CES1: variants seen among roughly 807,000 people sequenced by gnomAD.
CES1 encodes carboxylesterase 1.
In CES1, 50 loss-of-function variants were observed where a neutral mutation model predicts 53.0. That is an observed-to-expected ratio of 0.94 (90% confidence interval 0.75 to 1.19). The LOEUF (loss-of-function observed/expected upper bound fraction) is 1.19, where lower values mean the gene tolerates loss of function less well. Among genes scored for constraint, CES1 ranks in the 50% most tolerant of loss-of-function variants. CES1 has a pLI of 0.00. For synonymous variants in CES1, 202 were observed against 210.1 expected (o/e 0.96, Z 0.33); for missense variants, 534 against 538.0 (o/e 0.99, Z 0.07).
At chr16:55,825,648 A>G (rs1424630045) in intron 3 of CES1, among the ~76,000 whole-genome samples, 1 of 152,246 alleles carries the variant, frequency 6.6e-6, no homozygotes, top group Non-Finnish European at 1.5e-5. Flanking sequence ...GAAAGGCCAC[A>G]TACAAGCTCA....
intron 5 of CES1, 132 bp downstream of exon 5, chr16:55,821,236 G>A (rs2032175908): frequency 8.3e-7 from 1 of 1,208,958 alleles, no homozygotes; most frequent in African/African-American, 1.5e-5. Context: ...CTGATGCTGG[G>A]CTGTGAGTAG....
At chr16:55,813,336 A>C (rs558900223) in intron 8 of CES1, among the ~76,000 whole-genome samples, 1 of 152,300 alleles carries the variant, frequency 6.6e-6, no homozygotes, top group East Asian at 1.9e-4. Flanking sequence ...TTTGAAGTGC[A>C]TGCATTTTCC....
Position 55,810,497 on chromosome 16 carries a change from G to A in CES1, c.1318+20C>T, listed in dbSNP as rs181292839. The A allele has an allele frequency of 8.1e-6, 13 of 1,613,692 alleles. No homozygotes were observed. The highest frequency in any genetic ancestry group is 1.1e-5 in the South Asian group (1 of 91,084). ...AGCTCGTGGGGTTTGTGTCCCTCCC[G>A]TTCGACCTCTGGGACTCACCTCTGT... On this transcript the variant is annotated intron_variant, in intron 11 of 13. Coordinates refer to ENST00000360526, the MANE Select transcript of CES1 (RefSeq NM_001025195.2).
At chr16:55,817,791 T>A (rs2032008569) in intron 7 of CES1, among the ~76,000 whole-genome samples, 2 of 152,060 alleles carry the variant, frequency 1.3e-5, no homozygotes, top group Middle Eastern at 3.2e-3. Flanking sequence ...TGTGTCTGCA[T>A]GTGTGTGTAC....
intron 4 of CES1, among the ~76,000 whole-genome samples, 190 bp downstream of exon 4, chr16:55,823,360 G>A (rs1361002322): frequency 1.3e-5 from 2 of 152,124 alleles, no homozygotes; most frequent in South Asian, 2.1e-4. Context: ...AACAGCACAT[G>A]CAAAAGCTCA....
At chr16:55,832,137 A>G (rs1188774430) in intron 1 of CES1, among the ~76,000 whole-genome samples, 3 of 152,048 alleles carry the variant, frequency 2.0e-5, no homozygotes, top group South Asian at 2.1e-4. Flanking sequence ...CCTGTGCCCC[A>G]GAGCCCCTGA....
chr16:55,826,058 C>T (rs2032401233), intron 3 of CES1, 93 bp downstream of exon 3: 2 of 1,513,448 alleles, frequency 1.3e-6, no homozygotes, highest in East Asian at 2.2e-5. Context: ...GTGCAGCTCC[C>T]TCCCCAAGCT....
chr16:55,810,091 C>T (rs1296843418), intron 11 of CES1, among the ~76,000 whole-genome samples: 1 of 152,142 alleles, frequency 6.6e-6, no homozygotes, highest in African/African-American at 2.4e-5. Context: ...GAGCCTTCAA[C>T]CAATGACAAG....
At chr16:55,824,056 TG>T (rs2032324864) in intron 3 of CES1, among the ~76,000 whole-genome samples, 1 of 152,266 alleles carries the variant, frequency 6.6e-6, no homozygotes, top group Non-Finnish European at 1.5e-5. Flanking sequence ...AGCGTACCCA[TG>T]GGGCAGCCCT....
chr16:55,823,517 C>T (rs1200856670), intron 4 of CES1, 33 bp downstream of exon 4: 1 of 1,610,284 alleles, frequency 6.2e-7, no homozygotes, highest in Non-Finnish European at 8.5e-7. Context: ...GTTCTGGGGG[C>T]CAAAGTGCAG....
chr16:55,818,975 A>T (rs77210449), intron 7 of CES1, among the ~76,000 whole-genome samples: 3 of 152,244 alleles, frequency 2.0e-5, no homozygotes, highest in Non-Finnish European at 4.4e-5. Flanking sequence ...TTGACATTAG[A>T]TTGATAAAAA....
At chr16:55,830,961 C>T (rs1417412608) in intron 1 of CES1, among the ~76,000 whole-genome samples, 5 of 152,082 alleles carry the variant, frequency 3.3e-5, no homozygotes, top group Non-Finnish European at 7.4e-5. Context: ...GCTTGTAATG[C>T]TGGATCCCTG....
intron 11 of CES1, among the ~76,000 whole-genome samples, chr16:55,808,350 A>T (rs2142309032): frequency 6.6e-6 from 1 of 152,202 alleles, no homozygotes; most frequent in South Asian, 2.1e-4. Flanking sequence ...TAGCGCACAG[A>T]TTTGGGTAAT....
chr16:55,816,972 C>G lies in CES1; in HGVS notation c.907-10G>C. 6.2e-7 allele frequency: 1 copy of G among 1,614,144 alleles called. No individual in the cohort carries two copies. Among genetic ancestry groups the G allele is most frequent in the Non-Finnish European group, 8.5e-7 (1 of 1,180,004 alleles). On this transcript the variant is annotated splice_polypyrimidine_tract_variant and intron_variant, in intron 7 of 13. Coordinates refer to ENST00000360526, the MANE Select transcript of CES1 (RefSeq NM_001025195.2). ...CCAGAGATAAGAATTTCTGTGAAGA[C>G]AAAGGCAGAGGATGTGGGTGAGAGG...
intron 8 of CES1, among the ~76,000 whole-genome samples, chr16:55,813,555 A>G (rs867168889): frequency 3.5e-3 from 522 of 149,642 alleles, no homozygotes; most frequent in African/African-American, 0.013. Flanking sequence ...ATCCCACACA[A>G]TAGGTGTTAC....
intron 11 of CES1, among the ~76,000 whole-genome samples, chr16:55,810,135 C>G (rs150503604): frequency 6.6e-6 from 1 of 152,106 alleles, no homozygotes; most frequent in African/African-American, 2.4e-5. Flanking sequence ...GGCTCCCTTG[C>G]CACTCAGATG....
At chr16:55,830,805 G>GGAAA (rs1270289207) in intron 1 of CES1, among the ~76,000 whole-genome samples, 88 of 149,444 alleles carry the variant, frequency 5.9e-4, no homozygotes, top group African/African-American at 1.5e-3. Context: ...AAGGAAGGAA[G>GGAAA]GAAGGAAGGA....
chr16:55,822,385 T>A (rs1177244925), intron 4 of CES1, among the ~76,000 whole-genome samples: 10 of 152,240 alleles, frequency 6.6e-5, no homozygotes, highest in African/African-American at 1.4e-4. Flanking sequence ...TCTGAGTGGA[T>A]TCTGAAGGCG....
At position 55,826,264 on chromosome 16, in the gene CES1, G is replaced by T. The variant is rs571416840; in HGVS notation, c.292C>A (p.Leu98Ile). The change falls in exon 3 of 14, where the codon CTC (leucine) becomes ATC (isoleucine). Residue 98 changes from leucine (L) to isoleucine (I), a missense_variant. This residue lies in a region of CES1 where 164 missense variants were observed against 162.4 expected (regional missense o/e 1.01). Coordinates refer to ENST00000360526, the MANE Select transcript of CES1 (RefSeq NM_001025195.2). ...CTQDPKAGQL[L>I]SELFTNRKEN... Reference sequence around the variant, plus strand: ...TTTCGGTTTGTAAATAGCTCTGAGAGTAACTGCCCCGCCTTGGGATCTTGG... The same window carrying T: ...TTTCGGTTTGTAAATAGCTCTGAGATTAACTGCCCCGCCTTGGGATCTTGG... 2.4e-5 allele frequency: 38 copies of T among 1,613,966 alleles called. No individual in the cohort carries two copies. The highest frequency in any genetic ancestry group is 1.7e-4 in the Middle Eastern group (1 of 6,056).
Sources: gnomAD v4.1 joint callset for allele counts (sites outside exome capture counted in the v4.1 genomes callset) on GRCh38, gnomAD v4.1.1 for gene constraint, gnomAD v4.1.1 regional missense constraint, MANE v1.5 for transcripts, NCBI Gene and HGNC (gene_info 2026-07-23, HGNC 2026-07-21) for gene names.